Variants in UNC13B observed in about 807,000 individuals in gnomAD.
The protein encoded by UNC13B is protein unc-13 homolog B.
A neutral mutation model predicts 211.0 loss-of-function variants in UNC13B; 144 were observed. The observed-to-expected ratio is 0.68, with a 90% CI of 0.60 to 0.78. The LOEUF is 0.78. Ranked by LOEUF, UNC13B falls within the 30% of genes least tolerant of loss-of-function variation. The probability of loss-of-function intolerance (pLI) is 0.00; values close to 1 mark genes in which losing one functional copy is unlikely to be tolerated. For missense variants in UNC13B, 1,777 were observed against 2,002.0 expected (o/e 0.89, Z 2.14); for synonymous variants, 709 against 725.8 (o/e 0.98, Z 0.37).
chr9:35,181,401 A>G (rs772581965), intron 1 of UNC13B, among the ~76,000 whole-genome samples: 3 of 152,230 alleles, frequency 2.0e-5, no homozygotes, highest in Admixed American at 2.0e-4. Context: ...ATTGACATAT[A>G]GTAACTGAGA....
chr9:35,352,062 G>T lies in UNC13B; in HGVS notation c.9415-14885G>T, dbSNP rs1346189406. On this transcript the variant is annotated intron_variant, in intron 11 of 39. Coordinates refer to ENST00000635942, the MANE Select transcript of UNC13B (RefSeq NM_001371189.2). ...CAGGGTTCCGTGGATGAAGTCTCTA[G>T]CTGTGTAGACTCAGTACTGAGTGAA... 8 of 1,232,084 alleles carry T rather than the reference G, an allele frequency of 6.5e-6. No individual in the cohort carries two copies. The East Asian group carries it at 2.2e-4, about 34-fold the overall frequency. 76.3% of individuals were successfully genotyped at this position (1,232,084 alleles called of 1,614,324 possible).
At chr9:35,242,862 T>G (rs1825883787) in intron 5 of UNC13B, among the ~76,000 whole-genome samples, 1 of 152,202 alleles carries the variant, frequency 6.6e-6, no homozygotes, top group African/African-American at 2.4e-5. Flanking sequence ...GGAGAAAACC[T>G]TTGAATTTTG....
chr9:35,357,938 G>A (rs1360431419), intron 11 of UNC13B, among the ~76,000 whole-genome samples: 1 of 152,128 alleles, frequency 6.6e-6, no homozygotes, highest in Non-Finnish European at 1.5e-5. Context: ...CTATTAAATA[G>A]TAACTCCTCA....
chr9:35,282,770 C>G (rs549084963), intron 7 of UNC13B, among the ~76,000 whole-genome samples: 1 of 152,108 alleles, frequency 6.6e-6, no homozygotes, highest in South Asian at 2.1e-4. Flanking sequence ...ATGGGTTCCC[C>G]CTCCGTCTCT....
At chr9:35,377,437 G>A in intron 15 of UNC13B, 31 bp from the exon 16 acceptor site, 1 of 1,610,884 alleles carries the variant, frequency 6.2e-7, no homozygotes, top group Non-Finnish European at 8.5e-7. Flanking sequence ...TGGTCTGGTA[G>A]GTGACCTGTT....
chr9:35,367,600 A>C (rs1833854812), intron 12 of UNC13B, among the ~76,000 whole-genome samples: 1 of 151,732 alleles, frequency 6.6e-6, no homozygotes, highest in African/African-American at 2.4e-5. Context: ...GATCTTATTC[A>C]TTCTATCCAT....
intron 1 of UNC13B, among the ~76,000 whole-genome samples, chr9:35,167,294 C>T (rs539057516): frequency 3.3e-5 from 5 of 151,990 alleles, no homozygotes; most frequent in South Asian, 2.1e-4. Flanking sequence ...AGGATGGTCT[C>T]GATCACCTTA....
At chr9:35,299,568 A>G (rs1190382244) in intron 8 of UNC13B, among the ~76,000 whole-genome samples, 2 of 152,228 alleles carry the variant, frequency 1.3e-5, no homozygotes, top group Non-Finnish European at 1.5e-5. Flanking sequence ...AAAGAATTCT[A>G]AAAAGCTCAC....
intron 10 of UNC13B, among the ~76,000 whole-genome samples, chr9:35,311,459 A>G (rs1036542804): frequency 2.0e-5 from 3 of 152,202 alleles, no homozygotes. Context: ...TAAGAATGCT[A>G]CTTTGACCTC....
At chr9:35,299,623 A>G (rs938836557) in intron 8 of UNC13B, among the ~76,000 whole-genome samples, 4 of 152,216 alleles carry the variant, frequency 2.6e-5, no homozygotes, top group African/African-American at 9.6e-5. Flanking sequence ...AATTGATATT[A>G]TAGCTGTTCT....
chr9:35,312,111 C>T (rs573403913), intron 10 of UNC13B, among the ~76,000 whole-genome samples: 2 of 152,250 alleles, frequency 1.3e-5, no homozygotes, highest in South Asian at 2.1e-4. Context: ...GACAGATTTC[C>T]CCTGGCGGGG....
intron 8 of UNC13B, among the ~76,000 whole-genome samples, chr9:35,298,006 T>C (rs991449091): frequency 7.9e-5 from 12 of 152,248 alleles, no homozygotes; most frequent in African/African-American, 2.7e-4. Context: ...GTTTCCCCAA[T>C]AGTCTTTTAC....
Position 35,398,695 on chromosome 9 carries a change from A to G in UNC13B, c.11921+53A>G, listed in dbSNP as rs373969066. The G allele has an allele frequency of 9.5e-5, 152 of 1,601,078 alleles. 2 individuals carry two copies. Among genetic ancestry groups the G allele is most frequent in the South Asian group, 7.6e-4 (69 of 90,428 alleles). On this transcript the variant is annotated intron_variant, in intron 32 of 39. Transcript: ENST00000635942. ...CAGAGCCAGATGTGGTCCCTAGCCAATCCCAGAGCCCTTGCCCCACACCTC... is the reference window on the plus strand; with the variant it reads ...CAGAGCCAGATGTGGTCCCTAGCCAGTCCCAGAGCCCTTGCCCCACACCTC...
chr9:35,280,925 A>ACAGTGTGTGT (rs1030589723), intron 7 of UNC13B, among the ~76,000 whole-genome samples: 2 of 152,184 alleles, frequency 1.3e-5, no homozygotes, highest in African/African-American at 4.8e-5. Context: ...TATGCTGAGT[A>ACAGTGTGTGT]CAGTGTGTGT....
At chr9:35,177,721 G>A (rs1034767380) in intron 1 of UNC13B, among the ~76,000 whole-genome samples, 1 of 152,156 alleles carries the variant, frequency 6.6e-6, no homozygotes, top group African/African-American at 2.4e-5. Context: ...GTCACCCTGG[G>A]TATATAAAAA....
chr9:35,298,520 T>C (rs1390723542), intron 8 of UNC13B, among the ~76,000 whole-genome samples: 1 of 152,156 alleles, frequency 6.6e-6, no homozygotes, highest in Non-Finnish European at 1.5e-5. Context: ...GGGTCTTGCG[T>C]TGTTGCTCAG....
chr9:35,192,067 T>G (rs1822689886), intron 1 of UNC13B, among the ~76,000 whole-genome samples: 1 of 152,206 alleles, frequency 6.6e-6, no homozygotes, highest in African/African-American at 2.4e-5. Context: ...GCCTGACTGG[T>G]AAGAAAATTT....
At chr9:35,309,547 C>A (rs1164727867) in intron 9 of UNC13B, among the ~76,000 whole-genome samples, 1 of 152,148 alleles carries the variant, frequency 6.6e-6, no homozygotes, top group Non-Finnish European at 1.5e-5. Flanking sequence ...AAGGAAGTAA[C>A]TTCTAGATAC....
At chr9:35,185,679 G>A (rs1249146972) in intron 1 of UNC13B, among the ~76,000 whole-genome samples, 1 of 152,008 alleles carries the variant, frequency 6.6e-6, no homozygotes, top group African/African-American at 2.4e-5. Flanking sequence ...CAGCACTTTG[G>A]GAGGCCGAGG....
Sources: gnomAD v4.1 joint callset for allele counts (sites outside exome capture counted in the v4.1 genomes callset) on GRCh38, gnomAD v4.1.1 for gene constraint, MANE v1.5 for transcripts, NCBI Gene and HGNC (gene_info 2026-07-23, HGNC 2026-07-21) for gene names.